The following CELF4 variants were observed in gnomAD, a reference collection of about 807,000 sequenced individuals.
The protein encoded by CELF4 is CUG-BP- and ETR-3-like factor 4.
CELF4 carries 18 observed loss-of-function variants against 59.9 expected under a neutral mutation model. The observed-to-expected ratio is 0.30, with a 90% CI of 0.21 to 0.45. The LOEUF is 0.45. CELF4 is among the 20% of genes least tolerant of loss of function. The pLI, the probability that CELF4 is intolerant of heterozygous loss-of-function variation, is 1.00. For synonymous variants in CELF4, 261 were observed against 267.1 expected (o/e 0.98, Z 0.22); for missense variants, 456 against 689.0 (o/e 0.66, Z 3.79).
rs371233811 is a variant in CELF4 at position 37,269,691 on chromosome 18, T to C, written c.1099+1077A>G. On this transcript the variant is annotated intron_variant, in intron 8 of 12. Coordinates refer to ENST00000420428, the MANE Select transcript of CELF4 (RefSeq NM_020180.4). ...CCATCTGTTAATGCTCGATGGTAGT[T>C]TCCTCCTTGGGAAGGCTTTTTGGGG... Among the ~76,000 whole-genome samples, 7 of 152,342 alleles carry C rather than the reference T, an allele frequency of 4.6e-5. No homozygotes were observed. In the South Asian group the frequency reaches 6.2e-4, roughly 14 times the overall value.
chr18:37,269,597 C>T (rs1006315828), intron 8 of CELF4, among the ~76,000 whole-genome samples: 5 of 152,186 alleles, frequency 3.3e-5, no homozygotes, highest in African/African-American at 1.2e-4. Context: ...CTTACCACCT[C>T]CACTCTTGCC....
intron 3 of CELF4, among the ~76,000 whole-genome samples, chr18:37,311,112 C>T (rs2096631307): frequency 6.6e-6 from 1 of 152,116 alleles, no homozygotes; most frequent in Admixed American, 6.5e-5. Context: ...GGGAATTTGT[C>T]GAGGAGCTGC....
At chr18:37,411,842 C>T (rs1377016892) in intron 2 of CELF4, among the ~76,000 whole-genome samples, 1 of 152,220 alleles carries the variant, frequency 6.6e-6, no homozygotes, top group East Asian at 1.9e-4. Flanking sequence ...CCTAGTTCAG[C>T]TGTGCCAACT....
chr18:37,433,094 G>T (rs2154600843), intron 2 of CELF4, among the ~76,000 whole-genome samples: 1 of 152,304 alleles, frequency 6.6e-6, no homozygotes, highest in African/African-American at 2.4e-5. Context: ...GGAAAGTGTG[G>T]CTAGGATGTG....
intron 1 of CELF4, among the ~76,000 whole-genome samples, chr18:37,532,404 C>T (rs1446958858): frequency 6.6e-6 from 1 of 152,172 alleles, no homozygotes; most frequent in African/African-American, 2.4e-5. Context: ...AACCCTCACC[C>T]AGGGTTTGTG....
rs1363821389 is a variant in CELF4 at position 37,386,400 on chromosome 18, C to T, written c.370-64519G>A. ...TAGGAGGCTGAGCGAGGATACCTTG[C>T]GGTCGTGGGGAGAGACGGGAAGGCA... is the stretch of plus-strand genomic sequence containing the variant. On this transcript the variant is annotated intron_variant, in intron 2 of 12. Transcript: ENST00000420428. Among the ~76,000 whole-genome samples, 3 of 152,122 alleles carry T rather than the reference C, an allele frequency of 2.0e-5. No homozygotes were observed. In the East Asian group the frequency reaches 5.8e-4, roughly 29 times the overall value.
intron 2 of CELF4, among the ~76,000 whole-genome samples, chr18:37,415,848 A>G: frequency 6.6e-6 from 1 of 152,212 alleles, no homozygotes; most frequent in Non-Finnish European, 1.5e-5. Flanking sequence ...TGGACAGAAC[A>G]CATTCATTAT....
intron 2 of CELF4, among the ~76,000 whole-genome samples, chr18:37,344,103 C>T (rs973988880): frequency 6.6e-6 from 1 of 152,256 alleles, no homozygotes; most frequent in Non-Finnish European, 1.5e-5. Context: ...GTCAGCTCCA[C>T]ACTGTTCATC....
intron 1 of CELF4, among the ~76,000 whole-genome samples, chr18:37,491,950 T>C (rs942868588): frequency 4.6e-5 from 7 of 152,016 alleles, no homozygotes; most frequent in African/African-American, 1.2e-4. Flanking sequence ...GTGAAGGAAG[T>C]ACAATTTCCT....
chr18:37,353,253 T>G (rs2098496179), intron 2 of CELF4, among the ~76,000 whole-genome samples: 1 of 143,566 alleles, frequency 7.0e-6, no homozygotes, highest in African/African-American at 2.6e-5. Context: ...TATATATACA[T>G]AAAAGACCCT....
intron 3 of CELF4, among the ~76,000 whole-genome samples, chr18:37,311,151 T>G (rs911573770): frequency 1.3e-5 from 2 of 152,152 alleles, no homozygotes; most frequent in Non-Finnish European, 2.9e-5. Context: ...CCAAATGGAT[T>G]AAAAAAACTT....
At chr18:37,435,046 T>C (rs1284070992) in intron 2 of CELF4, among the ~76,000 whole-genome samples, 1 of 152,058 alleles carries the variant, frequency 6.6e-6, no homozygotes, top group Admixed American at 6.5e-5. Context: ...ACCTGCCCAC[T>C]CTAGTAACTG....
chr18:37,443,123 T>C (rs563794505), intron 2 of CELF4, among the ~76,000 whole-genome samples: 1 of 152,038 alleles, frequency 6.6e-6, no homozygotes, highest in Non-Finnish European at 1.5e-5. Context: ...GGAGTGGGGA[T>C]GGGATTGGGA....
intron 3 of CELF4, among the ~76,000 whole-genome samples, chr18:37,314,266 G>C (rs946470587): frequency 6.6e-6 from 1 of 152,192 alleles, no homozygotes; most frequent in Non-Finnish European, 1.5e-5. Context: ...GGCCAACATG[G>C]TGAAACTCTG....
intron 2 of CELF4, among the ~76,000 whole-genome samples, chr18:37,416,091 G>A (rs1011768803): frequency 6.6e-6 from 1 of 152,030 alleles, no homozygotes; most frequent in Non-Finnish European, 1.5e-5. Context: ...GGAGCATCTC[G>A]TGCCACTTAG....
rs557894591 is a variant in CELF4 at position 37,278,804 on chromosome 18, T to G, written c.449-3561A>C. ...CACATCTTATGATGGGGAACACACT[T>G]GAAGCAACAGGTTGGACTAGATCCT... is the stretch of plus-strand genomic sequence containing the variant. On this transcript the variant is annotated intron_variant, in intron 3 of 12. Coordinates refer to ENST00000420428, the MANE Select transcript of CELF4 (RefSeq NM_020180.4). 3.3e-5 allele frequency among the ~76,000 whole-genome samples: 5 copies of G among 152,218 alleles called. No individual in the cohort carries two copies. The East Asian group carries it at 9.7e-4, about 29-fold the overall frequency.
At chr18:37,547,160 GGTGTGTGT>G (rs59169669) in intron 1 of CELF4, among the ~76,000 whole-genome samples, 2 of 144,170 alleles carry the variant, frequency 1.4e-5, no homozygotes, top group African/African-American at 5.1e-5. Context: ...GTGTGTGTGT[GGTGTGTGT>G]GTGTGTGTGT....
At position 37,248,586 on chromosome 18, in the gene CELF4, T is replaced by C. The variant is rs2063499801; in HGVS notation, c.*45-3389A>G. On this transcript the variant is annotated intron_variant, in intron 12 of 12. Coordinates refer to ENST00000420428, the MANE Select transcript of CELF4 (RefSeq NM_020180.4). ...CCTCTTTTCCCACCCTCTCACCCCA[T>C]ACCCCTCCAGGAACAGCTTTCCAGC... is the stretch of plus-strand genomic sequence containing the variant. Among the ~76,000 whole-genome samples the C allele has an allele frequency of 4.0e-5, 6 of 149,962 alleles. No individual in the cohort carries two copies. The South Asian group carries it at 1.3e-3, about 33-fold the overall frequency.
rs559699804 is a variant in CELF4, at chr18:37,292,180, T to C, written c.449-16937A>G. Among the ~76,000 whole-genome samples the C allele has an allele frequency of 3.3e-3, 494 of 151,678 alleles. 1 individual carries two copies. Among genetic ancestry groups the C allele is most frequent in the African/African-American group, 0.012 (478 of 41,230 alleles). ...TCCAGAACTGTGAGAAATCGATTTATTGTTGATAAGCTACCTGGTTTATGG... is the reference window on the plus strand; with the variant it reads ...TCCAGAACTGTGAGAAATCGATTTACTGTTGATAAGCTACCTGGTTTATGG... On this transcript the variant is annotated intron_variant, in intron 3 of 12. Coordinates refer to ENST00000420428, the MANE Select transcript of CELF4 (RefSeq NM_020180.4).
Sources: allele counts gnomAD v4.1 joint callset (sites outside exome capture counted in the v4.1 genomes callset), GRCh38; gene constraint gnomAD v4.1.1; transcripts MANE v1.5; gene names NCBI Gene and HGNC (gene_info 2026-07-23, HGNC 2026-07-21).